The following SH2D4B variants were observed in gnomAD, a reference collection of about 807,000 sequenced individuals.
SH2D4B encodes the protein SH2 domain-containing protein 4B.
In SH2D4B, 45 loss-of-function variants were observed where a neutral mutation model predicts 61.5. The ratio of observed to expected loss-of-function variants is 0.73; its 90% CI spans 0.58 to 0.94. The LOEUF (loss-of-function observed/expected upper bound fraction) is 0.94, where lower values mean the gene tolerates loss of function less well. Ranked by LOEUF, SH2D4B falls within the 40% of genes least tolerant of loss-of-function variation. SH2D4B has a pLI of 0.00. For synonymous variants in SH2D4B, 224 were observed against 220.4 expected (o/e 1.02, Z -0.14); for missense variants, 572 against 574.2 (o/e 1.00, Z 0.04).
chr10:80,549,339 T>C (rs555075724), intron 1 of SH2D4B, among the ~76,000 whole-genome samples: 1 of 152,308 alleles, frequency 6.6e-6, no homozygotes, highest in South Asian at 2.1e-4. Context: ...AGATCCGGTA[T>C]GGCCCTGCCG....
At chr10:80,608,399 G>A (rs1202655390) in intron 5 of SH2D4B, among the ~76,000 whole-genome samples, 2 of 152,108 alleles carry the variant, frequency 1.3e-5, no homozygotes, top group Non-Finnish European at 2.9e-5. Context: ...GAGCCACCGC[G>A]CCCGGCCCAG....
At chr10:80,565,390 CTT>C (rs111239061) in intron 1 of SH2D4B, among the ~76,000 whole-genome samples, 1 of 143,080 alleles carries the variant, frequency 7.0e-6, no homozygotes. Context: ...ATTTCTTTTC[CTT>C]TTTTTTTTTC....
intron 2 of SH2D4B, 127 bp from the exon 3 acceptor site, chr10:80,571,302 CCT>C: frequency 1.9e-6 from 2 of 1,052,914 alleles, no homozygotes; most frequent in African/African-American, 1.6e-5. Flanking sequence ...CCTATTTCTC[CCT>C]GTCTTTGCCA....
chr10:80,628,057 G>T (rs1842783342), intron 6 of SH2D4B, among the ~76,000 whole-genome samples: 1 of 152,198 alleles, frequency 6.6e-6, no homozygotes, highest in Non-Finnish European at 1.5e-5. Flanking sequence ...GTGAGGTAGG[G>T]CCTTCCCCTG....
chr10:80,583,001 G>A (rs74143187), intron 3 of SH2D4B, among the ~76,000 whole-genome samples: 3,156 of 152,268 alleles, frequency 0.021, 113 homozygotes, highest in African/African-American at 0.071. Flanking sequence ...TCTCAATGAA[G>A]CCTGGAGCAT....
intron 4 of SH2D4B, among the ~76,000 whole-genome samples, chr10:80,590,021 G>A (rs759576619): frequency 3.9e-4 from 59 of 152,294 alleles, no homozygotes; most frequent in Non-Finnish European, 7.6e-4. Flanking sequence ...ACTTGTAAAG[G>A]AAGACGTTTT....
At chr10:80,611,208 G>C (rs1017148209) in intron 6 of SH2D4B, among the ~76,000 whole-genome samples, 12 of 136,164 alleles carry the variant, frequency 8.8e-5, no homozygotes. Context: ...AAAAAACATT[G>C]ATGATCTCAT....
rs1387940313 is a variant in SH2D4B, at chr10:80,635,205, A to G, written c.1209+700A>G. Among the ~76,000 whole-genome samples the G allele has an allele frequency of 2.0e-5, 3 of 152,140 alleles. No individual in the cohort carries two copies. The South Asian group carries it at 6.2e-4, about 31-fold the overall frequency. Reference sequence around the variant, plus strand: ...TATTTGTCCTCCTGCCATGGACCCTATATTGGAAAAGATGTTGTCTTCCAA... The same window carrying G: ...TATTTGTCCTCCTGCCATGGACCCTGTATTGGAAAAGATGTTGTCTTCCAA... On this transcript the variant is annotated intron_variant, in intron 7 of 7. Transcript: ENST00000646907.
At chr10:80,609,575 G>T (rs756413921) in intron 6 of SH2D4B, 24 bp downstream of exon 6, 2 of 1,613,578 alleles carry the variant, frequency 1.2e-6, no homozygotes, top group Non-Finnish European at 1.7e-6. Flanking sequence ...TCTGGGCCCT[G>T]TGCCAGATGA....
intron 6 of SH2D4B, among the ~76,000 whole-genome samples, chr10:80,626,609 C>T (rs188851848): frequency 1.3e-5 from 2 of 152,274 alleles, no homozygotes; most frequent in Non-Finnish European, 2.9e-5. Context: ...TATATAAATG[C>T]CCCATGGGTG....
At chr10:80,626,539 T>G (rs1842768836) in intron 6 of SH2D4B, among the ~76,000 whole-genome samples, 1 of 152,230 alleles carries the variant, frequency 6.6e-6, no homozygotes, top group African/African-American at 2.4e-5. Context: ...GACTTCCCAT[T>G]CCATCTGCCA....
rs1842024594 is a variant in SH2D4B at position 80,570,266 on chromosome 10, G to A, written c.297G>A (p.Leu99=). The change falls in exon 2 of 8, where the codon CTG becomes CTA. Residue 99 remains leucine (L), a synonymous_variant. Coordinates refer to ENST00000646907, the MANE Select transcript of SH2D4B (RefSeq NM_001388272.1). The stretch of plus-strand genomic sequence containing the variant: ...CCTACGAAGAGATCTCTGAGGAGCT[G>A]ATTGCAGAGAGGGCGCGGCTGCAGG... ...DKPYEEISEE[L]IAERARLQAQ... The A allele has an allele frequency of 6.2e-7, 1 of 1,613,904 alleles. No homozygotes were observed. Among genetic ancestry groups the A allele is most frequent in the African/African-American group, 1.3e-5 (1 of 74,926 alleles).
At chr10:80,639,961 G>A (rs1564532508) in intron 7 of SH2D4B, among the ~76,000 whole-genome samples, 1 of 152,118 alleles carries the variant, frequency 6.6e-6, no homozygotes, top group Non-Finnish European at 1.5e-5. Flanking sequence ...CTTCCTTCAG[G>A]AGCTCTTTTA....
chr10:80,564,606 C>T (rs1841943221), intron 1 of SH2D4B, among the ~76,000 whole-genome samples: 1 of 152,200 alleles, frequency 6.6e-6, no homozygotes, highest in African/African-American at 2.4e-5. Context: ...TAGCTGATCC[C>T]ATCCATTTCC....
rs1016463005 is a variant in SH2D4B, at chr10:80,644,478, C to T, written c.*393C>T. 1.1e-3 allele frequency: 176 copies of T among 161,006 alleles called. No homozygotes were observed. The highest frequency in any genetic ancestry group is 3.8e-3 in the African/African-American group (160 of 41,914). 10.0% of individuals were successfully genotyped at this position (161,006 alleles called of 1,614,324 possible). A position where few individuals can be genotyped will look rare whatever the true frequency, so the allele number is the denominator to read the frequency against. ...AAATGTTTGTTGAATGAATGCATGT[C>T]TTCTAAAAGTTTTCCAACACAAATT... On this transcript the variant is annotated 3_prime_UTR_variant, in exon 8 of 8. Coordinates refer to ENST00000646907, the MANE Select transcript of SH2D4B (RefSeq NM_001388272.1).
rs2132117725 is a variant in SH2D4B, at chr10:80,570,251, G to T, written c.282G>T (p.Glu94Asp). 6.2e-7 allele frequency: 1 copy of T among 1,614,140 alleles called. No individual in the cohort carries two copies. Among genetic ancestry groups the T allele is most frequent in the Middle Eastern group, 1.7e-4 (1 of 6,026 alleles). ...GEGPGDKPYE[E>D]ISEELIAERA... ...GCCCTGGTGACAAGCCCTACGAAGA[G>T]ATCTCTGAGGAGCTGATTGCAGAGA... The change falls in exon 2 of 8, where the codon GAG (glutamate) becomes GAT (aspartate). Residue 94 changes from glutamate to aspartate, a missense_variant. Glu to Asp is a conservative substitution (Grantham distance 45). Coordinates refer to ENST00000646907, the MANE Select transcript of SH2D4B (RefSeq NM_001388272.1).
At chr10:80,569,896 C>CT in intron 1 of SH2D4B, among the ~76,000 whole-genome samples, 2 of 152,166 alleles carry the variant, frequency 1.3e-5, no homozygotes, top group East Asian at 3.9e-4. Flanking sequence ...TACATTCTCT[C>CT]TGCTGGAGAT....
chr10:80,541,543 G>A (rs1429332404), intron 1 of SH2D4B, among the ~76,000 whole-genome samples: 1 of 152,062 alleles, frequency 6.6e-6, no homozygotes, highest in Non-Finnish European at 1.5e-5. Flanking sequence ...AGTGACACTG[G>A]GCCTCCTCCG....
At chr10:80,543,347 G>T (rs113612740) in intron 1 of SH2D4B, among the ~76,000 whole-genome samples, 1 of 152,046 alleles carries the variant, frequency 6.6e-6, no homozygotes, top group Non-Finnish European at 1.5e-5. Context: ...CGGAGCGGCC[G>T]GCCACCTGGC....
Sources: allele counts gnomAD v4.1 joint callset (sites outside exome capture counted in the v4.1 genomes callset), GRCh38; gene constraint gnomAD v4.1.1; transcripts MANE v1.5; gene names NCBI Gene and HGNC (gene_info 2026-07-23, HGNC 2026-07-21).